NHEJ1: variants seen among roughly 807,000 people sequenced by gnomAD.
The protein encoded by NHEJ1 is non-homologous end-joining factor 1.
Under a neutral mutation model 39.4 loss-of-function variants are expected in NHEJ1, and 22 were observed. That is an observed-to-expected ratio of 0.56 (90% CI 0.40 to 0.80). NHEJ1 has a LOEUF of 0.80. NHEJ1 is among the 30% of genes least tolerant of loss of function. NHEJ1 has a pLI of 0.00. For missense variants in NHEJ1, 329 were observed against 357.1 expected (o/e 0.92, Z 0.63); for synonymous variants, 154 against 135.6 (o/e 1.14, Z -0.94).
intron 5 of NHEJ1, among the ~76,000 whole-genome samples, chr2:219,108,557 C>T (rs938269264): frequency 2.0e-5 from 3 of 152,144 alleles, no homozygotes; most frequent in South Asian, 2.1e-4. Flanking sequence ...GCAGGAGGCA[C>T]GCTCAGAACT....
intron 3 of NHEJ1, among the ~76,000 whole-genome samples, chr2:219,155,413 TTTTTAA>T (rs1218818275): frequency 6.6e-6 from 1 of 151,874 alleles, no homozygotes; most frequent in East Asian, 1.9e-4. Flanking sequence ...CAAAAAATTT[TTTTTAA>T]TTTTATTTAT....
chr2:219,118,611 C>A (rs952831835), intron 5 of NHEJ1, among the ~76,000 whole-genome samples: 1 of 152,010 alleles, frequency 6.6e-6, no homozygotes, highest in African/African-American at 2.4e-5. Context: ...GTCTGTAAAG[C>A]GGATGGAAAT....
chr2:219,121,174 C>A (rs1949467821), intron 5 of NHEJ1, among the ~76,000 whole-genome samples: 1 of 151,774 alleles, frequency 6.6e-6, no homozygotes, highest in Non-Finnish European at 1.5e-5. Context: ...CCATTGCACT[C>A]CAGCCTGGGC....
chr2:219,107,589 TAAG>T (rs973150447), intron 5 of NHEJ1, among the ~76,000 whole-genome samples: 1 of 152,002 alleles, frequency 6.6e-6, no homozygotes, highest in African/African-American at 2.4e-5. Flanking sequence ...TAAGGAGAAA[TAAG>T]AAGCCCCAGG....
intron 5 of NHEJ1, among the ~76,000 whole-genome samples, chr2:219,120,634 G>A (rs1408115584): frequency 6.6e-6 from 1 of 152,156 alleles, no homozygotes; most frequent in African/African-American, 2.4e-5. Context: ...GAATGAAGAA[G>A]AGGCGATATT....
At chr2:219,123,962 G>A (rs1331831491) in intron 5 of NHEJ1, among the ~76,000 whole-genome samples, 1 of 152,176 alleles carries the variant, frequency 6.6e-6, no homozygotes, top group East Asian at 1.9e-4. Flanking sequence ...AGTATTTATA[G>A]AATCCTGGCG....
chr2:219,157,553 T>C lies in NHEJ1; in HGVS notation c.309A>G (p.Ala103=), dbSNP rs770297793. 6.2e-7 allele frequency: 1 copy of C among 1,614,158 alleles called. No homozygotes were observed. The highest frequency in any genetic ancestry group is 2.2e-5 in the East Asian group (1 of 44,878). The part of the protein sequence containing the change: ...ATFSCDCVAD[A]LILRVRSELS... ...GCTCACTTCGCACCCGTAGAATCAG[T>C]GCATCTGCCACACAATCACAGGAGA... Residue 103 remains alanine, a synonymous_variant, in exon 3 of 8, where the codon GCA becomes GCG. Transcript: ENST00000356853.
At chr2:219,082,360 C>T (rs1282478610) in intron 5 of NHEJ1, among the ~76,000 whole-genome samples, 1 of 152,226 alleles carries the variant, frequency 6.6e-6, no homozygotes, top group African/African-American at 2.4e-5. Flanking sequence ...CCAACCTCCC[C>T]TCTTTAGAGG....
rs573167566 is a variant in NHEJ1, at chr2:219,095,899, G to C, written c.589-17693C>G. On this transcript the variant is annotated intron_variant, in intron 5 of 7. Coordinates refer to ENST00000356853, the MANE Select transcript of NHEJ1 (RefSeq NM_024782.3). ...AGCTTTAAAAAAAAAACTGGCAAAGGGTAAGAGGCTTGATAAACCAAGATT... is the reference window on the plus strand; with the variant it reads ...AGCTTTAAAAAAAAAACTGGCAAAGCGTAAGAGGCTTGATAAACCAAGATT... Among the ~76,000 whole-genome samples, 4 of 151,960 alleles carry C rather than the reference G, an allele frequency of 2.6e-5. No homozygotes were observed. In the South Asian group the frequency reaches 8.3e-4, roughly 32 times the overall value.
At chr2:219,083,554 G>A (rs1398254165) in intron 5 of NHEJ1, among the ~76,000 whole-genome samples, 2 of 151,994 alleles carry the variant, frequency 1.3e-5, no homozygotes, top group African/African-American at 4.8e-5. Flanking sequence ...TCTTCTATTT[G>A]CTAGCTGTGA....
At chr2:219,118,776 A>G (rs534879325) in intron 5 of NHEJ1, among the ~76,000 whole-genome samples, 9 of 152,320 alleles carry the variant, frequency 5.9e-5, no homozygotes, top group African/African-American at 2.2e-4. Context: ...AGCTGAAGGA[A>G]TGAAGGCTGG....
At chr2:219,092,178 C>T (rs570156505) in intron 5 of NHEJ1, among the ~76,000 whole-genome samples, 2 of 151,886 alleles carry the variant, frequency 1.3e-5, no homozygotes, top group African/African-American at 4.8e-5. Context: ...GCCTATGGTC[C>T]CAGCTACTCA....
intron 3 of NHEJ1, among the ~76,000 whole-genome samples, chr2:219,156,418 T>C (rs1480683591): frequency 6.6e-6 from 1 of 152,236 alleles, no homozygotes; most frequent in East Asian, 1.9e-4. Flanking sequence ...TAACAATCTA[T>C]ACTTTTAGGC....
chr2:219,151,864 A>G (rs966591545), intron 3 of NHEJ1, among the ~76,000 whole-genome samples: 2 of 152,186 alleles, frequency 1.3e-5, no homozygotes, highest in African/African-American at 4.8e-5. Flanking sequence ...GCTACTCAGG[A>G]GACTGAGGCA....
At chr2:219,137,570 C>G (rs1298125585) in intron 5 of NHEJ1, among the ~76,000 whole-genome samples, 1 of 34,716 alleles carries the variant, frequency 2.9e-5, no homozygotes, top group African/African-American at 8.2e-5. Context: ...GTGTTACAGG[C>G]AAAAAAAAAA....
intron 5 of NHEJ1, among the ~76,000 whole-genome samples, chr2:219,137,591 A>C (rs909360585): frequency 7.3e-6 from 1 of 137,412 alleles, no homozygotes; most frequent in African/African-American, 2.7e-5. Context: ...AAAAAAAAAA[A>C]ACAAAAAAAA....
chr2:219,147,512 A>C, intron 4 of NHEJ1, 145 bp downstream of exon 4: 1 of 925,674 alleles, frequency 1.1e-6, no homozygotes, highest in Non-Finnish European at 1.7e-6. Flanking sequence ...GAGTCACCTA[A>C]TATCAAGACT....
intron 5 of NHEJ1, among the ~76,000 whole-genome samples, chr2:219,125,993 C>T (rs1340378873): frequency 2.0e-5 from 3 of 152,212 alleles, no homozygotes; most frequent in Non-Finnish European, 4.4e-5. Context: ...CTGAAAATGT[C>T]ACTGTTTCTT....
intron 5 of NHEJ1, among the ~76,000 whole-genome samples, chr2:219,142,227 A>AAGAGG (rs989415111): frequency 8.4e-6 from 1 of 119,154 alleles, no homozygotes; most frequent in African/African-American, 2.7e-5. Flanking sequence ...AAGAGAAGAG[A>AAGAGG]AGAGGAGAGA....
Sources: gnomAD v4.1 joint callset for allele counts (sites outside exome capture counted in the v4.1 genomes callset) on GRCh38, gnomAD v4.1.1 for gene constraint, MANE v1.5 for transcripts, NCBI Gene and HGNC (gene_info 2026-07-23, HGNC 2026-07-21) for gene names.